Variants in ARMC10 observed in about 807,000 individuals in gnomAD.
ARMC10 encodes the protein armadillo repeat-containing protein 10.
A neutral mutation model predicts 30.2 loss-of-function variants in ARMC10; 23 were observed. That is an observed-to-expected ratio of 0.76 (90% CI 0.55 to 1.08). ARMC10 has a LOEUF of 1.08. Ranked by LOEUF, ARMC10 falls within the 50% of genes least tolerant of loss-of-function variation. ARMC10 has a pLI of 0.00. For missense variants in ARMC10, 303 were observed against 413.7 expected, an observed-to-expected ratio of 0.73 and a Z score of 2.32; for synonymous variants, 111 against 164.4, an observed-to-expected ratio of 0.68 and a Z score of 2.48.
At chr7:103,088,950 TC>T (rs1413672000) in intron 4 of ARMC10, 1 of 152,778 alleles carries the variant, frequency 6.5e-6, no homozygotes, top group Admixed American at 6.5e-5. Context: ...GACAAACAAT[TC>T]GCATATTTAC....
At chr7:103,077,645 A>G (rs1800009581) in intron 2 of ARMC10, among the ~76,000 whole-genome samples, 1 of 152,198 alleles carries the variant, frequency 6.6e-6, no homozygotes, top group Non-Finnish European at 1.5e-5. Flanking sequence ...ATACTGCCAC[A>G]TTGGGAATTA....
chr7:103,081,691 A>G (rs1397315219), intron 2 of ARMC10, among the ~76,000 whole-genome samples: 1 of 97,068 alleles, frequency 1.0e-5, no homozygotes, highest in African/African-American at 2.9e-5. Flanking sequence ...CTTTTTAAAA[A>G]TGACTTCATG....
At chr7:103,088,041 A>G (rs1284362613) in intron 4 of ARMC10, among the ~76,000 whole-genome samples, 2 of 152,194 alleles carry the variant, frequency 1.3e-5, no homozygotes, top group African/African-American at 4.8e-5. Flanking sequence ...ACCAAGTGTC[A>G]TACCAAAGAT....
intron 4 of ARMC10, among the ~76,000 whole-genome samples, chr7:103,090,420 G>A (rs1401634954): frequency 6.6e-6 from 1 of 152,194 alleles, no homozygotes; most frequent in Non-Finnish European, 1.5e-5. Context: ...CCAACACTTG[G>A]GAGCCACGAC....
At chr7:103,089,923 A>G (rs1247188637) in intron 4 of ARMC10, among the ~76,000 whole-genome samples, 1 of 152,244 alleles carries the variant, frequency 6.6e-6, no homozygotes, top group Non-Finnish European at 1.5e-5. Context: ...GGATAAGGCA[A>G]GTCCTTAAAT....
intron 2 of ARMC10, among the ~76,000 whole-genome samples, chr7:103,079,451 C>T (rs1168348506): frequency 3.9e-5 from 6 of 152,172 alleles, no homozygotes; most frequent in East Asian, 1.9e-4. Context: ...AAGCAAATAT[C>T]GTATTTAATA....
At chr7:103,098,252 T>G (rs1224994052) in intron 6 of ARMC10, 47 bp from the exon 7 acceptor site, 1 of 1,257,582 alleles carries the variant, frequency 8.0e-7, no homozygotes, top group African/African-American at 1.6e-5. Context: ...TGAAAAAGTT[T>G]TCATATATTA....
chr7:103,092,444 T>G, intron 4 of ARMC10, 33 bp from the exon 5 acceptor site: 1 of 1,506,358 alleles, frequency 6.6e-7, no homozygotes, highest in Non-Finnish European at 9.0e-7. Flanking sequence ...TTTTGGAGAT[T>G]CTAAGATGCT....
chr7:103,075,901 G>T lies in ARMC10; in HGVS notation c.244+20G>T, dbSNP rs1202816080. Reference sequence around the variant, plus strand: ...AGCCTGGTGTGTGTTTTGGAAATGGGAACAGTTGTCTGCGCGAGACACACC... The same window carrying T: ...AGCCTGGTGTGTGTTTTGGAAATGGTAACAGTTGTCTGCGCGAGACACACC... On this transcript the variant is annotated intron_variant, in intron 2 of 6. Coordinates refer to ENST00000323716, the MANE Select transcript of ARMC10 (RefSeq NM_031905.5). The T allele has an allele frequency of 6.5e-7, 1 of 1,540,514 alleles. No homozygotes were observed. Among genetic ancestry groups the T allele is most frequent in the South Asian group, 1.2e-5 (1 of 82,784 alleles).
chr7:103,088,774 A>G, intron 4 of ARMC10: 1 of 183,312 alleles, frequency 5.5e-6, no homozygotes, highest in Non-Finnish European at 1.3e-5. Flanking sequence ...GTTTCAGCCA[A>G]CCAATTTCCA....
chr7:103,075,666 TG>T, intron 1 of ARMC10, 110 bp from the exon 2 acceptor site: 1 of 918,354 alleles, frequency 1.1e-6, no homozygotes, highest in Non-Finnish European at 1.6e-6. Context: ...AACCTGTTGA[TG>T]GCCTCTCATT....
chr7:103,077,701 A>G (rs1463883339), intron 2 of ARMC10, among the ~76,000 whole-genome samples: 2 of 152,210 alleles, frequency 1.3e-5, no homozygotes. Flanking sequence ...CATAGCATTT[A>G]CAAAGCCTAA....
intron 5 of ARMC10, among the ~76,000 whole-genome samples, chr7:103,094,046 CAACTTGCAAATG>C (rs1801567486): frequency 6.6e-6 from 1 of 152,152 alleles, no homozygotes; most frequent in Non-Finnish European, 1.5e-5. Flanking sequence ...TTTAAAGTTC[CAACTTGCAAATG>C]AACTTTTGGA....
chr7:103,097,265 A>T lies in ARMC10; in HGVS notation c.706-12A>T, dbSNP rs1801832678. The T allele has an allele frequency of 6.2e-7, 1 of 1,610,970 alleles. No individual in the cohort carries two copies. The highest frequency in any genetic ancestry group is 2.2e-5 in the East Asian group (1 of 44,862). ...TGCCAGTCTGAGATAAGCCAGTATCATCTTCTTTCAGGTGCAAGTTTTGAA... is the reference window on the plus strand; with the variant it reads ...TGCCAGTCTGAGATAAGCCAGTATCTTCTTCTTTCAGGTGCAAGTTTTGAA... On this transcript the variant is annotated splice_polypyrimidine_tract_variant and intron_variant, in intron 5 of 6. Transcript: ENST00000323716.
chr7:103,092,758 C>A, intron 5 of ARMC10, 105 bp downstream of exon 5: 1 of 768,908 alleles, frequency 1.3e-6, no homozygotes, highest in Non-Finnish European at 1.9e-6. Context: ...TAAAAACTCA[C>A]ATGGGCCCAA....
At chr7:103,094,044 T>C (rs548073276) in intron 5 of ARMC10, among the ~76,000 whole-genome samples, 3 of 152,342 alleles carry the variant, frequency 2.0e-5, no homozygotes, top group South Asian at 4.1e-4. Flanking sequence ...AGTTTAAAGT[T>C]CCAACTTGCA....
rs372923668 is a variant in ARMC10 at position 103,086,759 on chromosome 7, A to C, written c.523A>C (p.Ile175Leu). The C allele has an allele frequency of 6.3e-7, 1 of 1,590,040 alleles. No homozygotes were observed. Among genetic ancestry groups the C allele is most frequent in the African/African-American group, 1.4e-5 (1 of 73,130 alleles). The change falls in exon 4 of 7, where the codon ATA (isoleucine) becomes CTA (leucine). Residue 175 changes from isoleucine to leucine, a missense_variant. Coordinates refer to ENST00000323716, the MANE Select transcript of ARMC10 (RefSeq NM_031905.5). ...TGTGAATGTTGAAAATCAAATCAAG[A>C]TAAAGGTAAGTTGACTGAAAATCAC... ...LSVNVENQIK[I>L]KIYISQVCED...
At chr7:103,086,504 T>C in intron 3 of ARMC10, 126 bp from the exon 4 acceptor site, 1 of 1,006,388 alleles carries the variant, frequency 9.9e-7, no homozygotes, top group Non-Finnish European at 1.4e-6. Flanking sequence ...TAAATATTTG[T>C]ATATGGGAAA....
intron 3 of ARMC10, among the ~76,000 whole-genome samples, chr7:103,084,606 T>C (rs934348748): frequency 3.9e-5 from 6 of 152,192 alleles, no homozygotes; most frequent in African/African-American, 1.4e-4. Flanking sequence ...TCAGCTAACT[T>C]GGACAGCGAA....
Sources: gnomAD v4.1 joint callset for allele counts (sites outside exome capture counted in the v4.1 genomes callset) on GRCh38, gnomAD v4.1.1 for gene constraint, MANE v1.5 for transcripts, NCBI Gene and HGNC (gene_info 2026-07-23, HGNC 2026-07-21) for gene names.